Variants in FLT1 observed in about 807,000 individuals in gnomAD.
The protein encoded by FLT1 is fms related receptor tyrosine kinase 1.
In FLT1, 49 loss-of-function variants were observed where a neutral mutation model predicts 156.3. The observed-to-expected ratio is 0.31, with a 90% CI of 0.25 to 0.40. The LOEUF is 0.40. Ranked by LOEUF, FLT1 falls within the 10% of genes least tolerant of loss-of-function variation. The pLI is 1.00. For missense variants in FLT1, 1,322 were observed against 1,637.2 expected (o/e 0.81, Z 3.32); for synonymous variants, 594 against 583.8 (o/e 1.02, Z -0.25).
intron 1 of FLT1, among the ~76,000 whole-genome samples, chr13:28,487,336 AGTG>A (rs1483612460): frequency 6.6e-6 from 1 of 152,218 alleles, no homozygotes; most frequent in South Asian, 2.1e-4. Flanking sequence ...CTTGAGTTTA[AGTG>A]GTTTTATATT....
At chr13:28,386,794 T>A in intron 13 of FLT1, 2 of 1,053,450 alleles carry the variant, frequency 1.9e-6, no homozygotes, top group Non-Finnish European at 2.3e-6. Context: ...AGTATCATAT[T>A]ATTATTTAGT....
intron 19 of FLT1, among the ~76,000 whole-genome samples, chr13:28,328,686 G>A (rs1871793714): frequency 6.6e-6 from 1 of 152,228 alleles, no homozygotes; most frequent in Admixed American, 6.5e-5. Flanking sequence ...ATGCCGCAGA[G>A]TTCGGCTCCC....
chr13:28,386,049 A>G (rs1423747299), intron 13 of FLT1: 2 of 1,054,042 alleles, frequency 1.9e-6, no homozygotes, highest in Non-Finnish European at 2.3e-6. Context: ...GAGTTTTGGC[A>G]TAACTGACAC....
chr13:28,373,268 T>C (rs558527002), intron 14 of FLT1, among the ~76,000 whole-genome samples: 2 of 152,346 alleles, frequency 1.3e-5, no homozygotes, highest in South Asian at 4.1e-4. Flanking sequence ...TTGTATGAGA[T>C]GGCTACTTAA....
intron 3 of FLT1, among the ~76,000 whole-genome samples, chr13:28,461,775 G>C (rs1469658695): frequency 1.3e-5 from 2 of 152,082 alleles, no homozygotes; most frequent in Non-Finnish European, 2.9e-5. Context: ...GAATATCTAA[G>C]TTGTTAGAAA....
intron 1 of FLT1, among the ~76,000 whole-genome samples, chr13:28,468,895 C>A (rs776590440): frequency 6.6e-6 from 1 of 152,218 alleles, no homozygotes; most frequent in Non-Finnish European, 1.5e-5. Context: ...AATGTAAGAA[C>A]AGCCTAACAG....
chr13:28,342,817 A>G (rs1872388152), intron 16 of FLT1, among the ~76,000 whole-genome samples: 1 of 152,174 alleles, frequency 6.6e-6, no homozygotes, highest in Non-Finnish European at 1.5e-5. Context: ...AAGACCTGGC[A>G]TATTAATAAG....
At position 28,397,136 on chromosome 13, in the gene FLT1, C is replaced by CT. The variant is rs1440224298; in HGVS notation, c.1552-69dup. ...ACTAATTGAACACCCCAAGCTACTT[C>CT]TGAGGTTGAAATGATTCAGCTACTC... is the stretch of plus-strand genomic sequence containing the variant. On this transcript the variant is annotated intron_variant, in intron 11 of 29. Transcript: ENST00000282397. 3.3e-6 allele frequency: 3 copies of CT among 897,934 alleles called. No homozygotes were observed. The African/African-American group carries it at 5.0e-5, about 15-fold the overall frequency. 55.6% of individuals were successfully genotyped at this position (897,934 alleles called of 1,614,324 possible). A position where few individuals can be genotyped will look rare whatever the true frequency, so the allele number is the denominator to read the frequency against.
Position 28,357,648 on chromosome 13 carries a change from A to G in FLT1, c.2154T>C (p.Ile718=). 6.2e-7 allele frequency: 1 copy of G among 1,613,736 alleles called. No homozygotes were observed. Among genetic ancestry groups the G allele is most frequent in the Non-Finnish European group, 8.5e-7 (1 of 1,179,694 alleles). ...ILGPGSSTLF[I]ERVTEEDEGV... ...CTTCATCCTCTTCTGTGACTCTTTC[A>G]ATAAACAGCGTGCTGCTTCCTGGTC... The change falls in exon 15 of 30, where the codon ATT becomes ATC. Residue 718 remains isoleucine, a synonymous_variant. Coordinates refer to ENST00000282397, the MANE Select transcript of FLT1 (RefSeq NM_002019.4).
At chr13:28,493,124 GAT>G (rs1881559045) in intron 1 of FLT1, among the ~76,000 whole-genome samples, 2 of 152,042 alleles carry the variant, frequency 1.3e-5, no homozygotes, top group Admixed American at 6.6e-5. Context: ...TCAAAATAAA[GAT>G]ATAATTATGT....
chr13:28,403,871 G>A (rs1235954956), intron 11 of FLT1, among the ~76,000 whole-genome samples: 1 of 152,176 alleles, frequency 6.6e-6, no homozygotes, highest in South Asian at 2.1e-4. Flanking sequence ...GTGAAACTCC[G>A]TCTCTACTAG....
chr13:28,435,545 T>C (rs182837775), intron 4 of FLT1, among the ~76,000 whole-genome samples: 2 of 152,224 alleles, frequency 1.3e-5, no homozygotes, highest in East Asian at 1.9e-4. Context: ...ATAAAGGAAA[T>C]ACCAAACAGC....
intron 10 of FLT1, among the ~76,000 whole-genome samples, chr13:28,410,283 G>C (rs181091180): frequency 6.6e-6 from 1 of 152,312 alleles, no homozygotes; most frequent in Admixed American, 6.5e-5. Flanking sequence ...AATCAGAAGG[G>C]AAAGCCCAGC....
intron 14 of FLT1, among the ~76,000 whole-genome samples, chr13:28,365,391 C>T (rs774153793): frequency 5.9e-5 from 9 of 151,392 alleles, no homozygotes; most frequent in Non-Finnish European, 1.2e-4. Context: ...CTTGCTCTGT[C>T]GCCCAGGCTA....
chr13:28,401,799 C>T (rs887132856), intron 11 of FLT1, among the ~76,000 whole-genome samples: 4 of 152,134 alleles, frequency 2.6e-5, no homozygotes, highest in African/African-American at 9.7e-5. Context: ...GATTCTTGCT[C>T]CTGTCATGGA....
Position 28,433,790 on chromosome 13 carries a change from C to T in FLT1, c.813+29G>A, listed in dbSNP as rs756610457. 3 of 1,609,676 alleles carry T rather than the reference C, an allele frequency of 1.9e-6. No individual in the cohort carries two copies. In the South Asian group the frequency reaches 3.3e-5, roughly 18 times the overall value. On this transcript the variant is annotated intron_variant, in intron 6 of 29. Coordinates refer to ENST00000282397, the MANE Select transcript of FLT1 (RefSeq NM_002019.4). ...TTCACTTGCTTAAAATACTGTCCTG[C>T]AGAAGAAATAGAAAAATGGGTCACT...
intron 7 of FLT1, 53 bp downstream of exon 7, chr13:28,431,083 T>A: frequency 6.9e-7 from 1 of 1,442,986 alleles, no homozygotes; most frequent in South Asian, 1.1e-5. Flanking sequence ...AACACAGACA[T>A]CTACAATGAT....
intron 14 of FLT1, chr13:28,368,570 G>T (rs999630982): frequency 2.0e-6 from 3 of 1,504,998 alleles, no homozygotes; most frequent in Non-Finnish European, 2.7e-6. Context: ...TGATGATAAT[G>T]ATGATAGCTA....
intron 14 of FLT1, among the ~76,000 whole-genome samples, chr13:28,373,096 A>T (rs1211893807): frequency 6.6e-6 from 1 of 152,230 alleles, no homozygotes; most frequent in Admixed American, 6.5e-5. Context: ...ATATTTTATG[A>T]CAATTTACAA....
Sources: gnomAD v4.1 joint callset for allele counts (sites outside exome capture counted in the v4.1 genomes callset) on GRCh38, gnomAD v4.1.1 for gene constraint, MANE v1.5 for transcripts, NCBI Gene and HGNC (gene_info 2026-07-23, HGNC 2026-07-21) for gene names.